C3orf85: variants seen among roughly 807,000 people sequenced by gnomAD.
C3orf85 encodes uncharacterized protein C3orf85.
In C3orf85, 1 loss-of-function variant was observed where a neutral mutation model predicts 1.7. That is an observed-to-expected ratio of 0.60 (90% CI 0.21 to 2.86). The LOEUF is 2.86. C3orf85 is among the 30% of genes most tolerant of loss of function. C3orf85 has a pLI of 0.22. For synonymous variants in C3orf85, 17 were observed against 8.0 expected (o/e 2.13, Z -1.90); for missense variants, 29 against 21.3 (o/e 1.36, Z -0.72).
At chr3:109,148,743 G>A (rs1209149889) in intron 3 of C3orf85, 1 of 203,120 alleles carries the variant, frequency 4.9e-6, no homozygotes, top group Non-Finnish European at 1.0e-5. Flanking sequence ...TAAAGGTAGG[G>A]TCTGTATCTT....
intron 2 of C3orf85, among the ~76,000 whole-genome samples, chr3:109,142,570 C>T (rs1461016637): frequency 2.0e-5 from 3 of 152,110 alleles, no homozygotes; most frequent in East Asian, 3.9e-4. Context: ...TATTTTATGT[C>T]TTCTGACCCC....
At position 109,143,367 on chromosome 3, in the gene C3orf85, G is replaced by A. The variant is rs545780899; in HGVS notation, c.50-4886G>A. Among the ~76,000 whole-genome samples, 181 of 152,268 alleles carry A rather than the reference G, an allele frequency of 1.2e-3. 1 individual carries two copies. Among genetic ancestry groups the A allele is most frequent in the Non-Finnish European group, 2.3e-3 (156 of 68,024 alleles). On this transcript the variant is annotated intron_variant, in intron 2 of 3. Transcript: ENST00000622536. ...GAGTTTTTTTCAGCTTTCTGTGGGTGCTAGTAACATAGAGACTTTCATTTC... is the reference window on the plus strand; with the variant it reads ...GAGTTTTTTTCAGCTTTCTGTGGGTACTAGTAACATAGAGACTTTCATTTC...
At chr3:109,143,997 G>A (rs1479474227) in intron 2 of C3orf85, among the ~76,000 whole-genome samples, 3 of 152,126 alleles carry the variant, frequency 2.0e-5, no homozygotes, top group South Asian at 2.1e-4. Flanking sequence ...TATGATGTGA[G>A]TAAAAAAAGG....
rs886734543 is a variant in C3orf85, at chr3:109,151,337, A to G, written c.*1443A>G. On this transcript the variant is annotated 3_prime_UTR_variant, in exon 4 of 4. Coordinates refer to ENST00000622536, the MANE Select transcript of C3orf85 (RefSeq NM_001351622.2). ...TCCAGAGAAACAGAACCAATAGGAT[A>G]TGTATATATAGAGATGCTCCTCAAC... Among the ~76,000 whole-genome samples, 18 of 152,246 alleles carry G rather than the reference A, an allele frequency of 1.2e-4. No individual in the cohort carries two copies. The highest frequency in any genetic ancestry group is 4.3e-4 in the African/African-American group (18 of 41,468).
chr3:109,140,652 A>G (rs1450488585), intron 2 of C3orf85, among the ~76,000 whole-genome samples: 4 of 152,242 alleles, frequency 2.6e-5, no homozygotes, highest in Non-Finnish European at 4.4e-5. Context: ...TGACCCAGAA[A>G]GAGTCACTAT....
chr3:109,137,606 G>C (rs868409780), intron 2 of C3orf85, among the ~76,000 whole-genome samples: 14 of 122,282 alleles, frequency 1.1e-4, no homozygotes, highest in African/African-American at 3.2e-4. Context: ...CACACAGCTA[G>C]ATAGATGTAT....
Position 109,138,196 on chromosome 3 carries a change from T to C in C3orf85, c.49+1300T>C, listed in dbSNP as rs185164487. On this transcript the variant is annotated intron_variant, in intron 2 of 3. Transcript: ENST00000622536. ...CTACCTATAAAGACAACTGGTTTGA[T>C]TGACTTGACTCTAAAAAAAAATAAT... Among the ~76,000 whole-genome samples the C allele has an allele frequency of 4.5e-3, 691 of 152,340 alleles. 3 individuals are homozygous for C. The highest frequency in any genetic ancestry group is 0.015 in the African/African-American group (638 of 41,580).
At chr3:109,148,500 A>G (rs1192515525) in intron 3 of C3orf85, 114 bp downstream of exon 3, 1 of 671,256 alleles carries the variant, frequency 1.5e-6, no homozygotes, top group Non-Finnish European at 2.7e-6. Flanking sequence ...TCCTCTCTAG[A>G]CACTCTGAAC....
intron 2 of C3orf85, among the ~76,000 whole-genome samples, chr3:109,143,785 T>C (rs1706766787): frequency 1.3e-5 from 2 of 152,194 alleles, no homozygotes; most frequent in Non-Finnish European, 2.9e-5. Flanking sequence ...AGTGGCTCAA[T>C]GACCTAGCTG....
At chr3:109,141,284 G>A (rs1019473424) in intron 2 of C3orf85, among the ~76,000 whole-genome samples, 12 of 152,074 alleles carry the variant, frequency 7.9e-5, no homozygotes, top group African/African-American at 1.9e-4. Flanking sequence ...ACCCCACCTC[G>A]GCCCCTGTTA....
At chr3:109,147,322 G>A (rs763412215) in intron 2 of C3orf85, among the ~76,000 whole-genome samples, 25 of 152,246 alleles carry the variant, frequency 1.6e-4, no homozygotes, top group Non-Finnish European at 2.5e-4. Context: ...TTTTTATACC[G>A]TATAGCTTGC....
intron 2 of C3orf85, among the ~76,000 whole-genome samples, chr3:109,146,992 TA>T (rs974315813): frequency 7.2e-5 from 11 of 152,310 alleles, no homozygotes; most frequent in African/African-American, 1.4e-4. Flanking sequence ...TAACTAATAT[TA>T]TTTTTTTATA....
intron 2 of C3orf85, among the ~76,000 whole-genome samples, chr3:109,146,722 G>A (rs529567272): frequency 3.3e-5 from 5 of 152,246 alleles, no homozygotes; most frequent in African/African-American, 1.2e-4. Flanking sequence ...GGCAGAAGCT[G>A]TAATGTCTTT....
intron 2 of C3orf85, among the ~76,000 whole-genome samples, chr3:109,146,007 T>C (rs1706794977): frequency 1.3e-5 from 2 of 152,212 alleles, no homozygotes; most frequent in South Asian, 2.1e-4. Flanking sequence ...TAAATTTCTC[T>C]GTGAGGTGTC....
At chr3:109,141,099 G>A (rs141807218) in intron 2 of C3orf85, among the ~76,000 whole-genome samples, 22 of 152,168 alleles carry the variant, frequency 1.4e-4, no homozygotes, top group Admixed American at 7.9e-4. Context: ...CGATTCTCCC[G>A]GCTCAGCCTC....
intron 2 of C3orf85, among the ~76,000 whole-genome samples, chr3:109,145,048 G>C (rs577094124): frequency 6.6e-6 from 1 of 152,044 alleles, no homozygotes; most frequent in African/African-American, 2.4e-5. Context: ...AAATGAATGC[G>C]TGTTCCTTCC....
At chr3:109,138,634 T>G (rs77623116) in intron 2 of C3orf85, among the ~76,000 whole-genome samples, 21,057 of 152,202 alleles carry the variant, frequency 0.14, 1,913 homozygotes, top group Admixed American at 0.2. Flanking sequence ...TTCTTTAGAA[T>G]TTGATTTAAG....
intron 2 of C3orf85, among the ~76,000 whole-genome samples, chr3:109,140,134 A>G (rs1706729436): frequency 6.6e-6 from 1 of 152,104 alleles, no homozygotes. Context: ...TGGGCTTATG[A>G]CTGATTGATA....
At chr3:109,145,740 A>G (rs772082494) in intron 2 of C3orf85, among the ~76,000 whole-genome samples, 1 of 152,144 alleles carries the variant, frequency 6.6e-6, no homozygotes, top group Non-Finnish European at 1.5e-5. Flanking sequence ...TAAAGCCCAA[A>G]CCCTTTGGTA....
Sources: gnomAD v4.1 joint callset for allele counts (sites outside exome capture counted in the v4.1 genomes callset) on GRCh38, gnomAD v4.1.1 for gene constraint, MANE v1.5 for transcripts, NCBI Gene and HGNC (gene_info 2026-07-23, HGNC 2026-07-21) for gene names.